KHDRBS3: variants seen among roughly 807,000 people sequenced by gnomAD.
KHDRBS3 encodes the protein KH domain-containing, RNA-binding, signal transduction-associated protein 3.
A neutral mutation model predicts 45.6 loss-of-function variants in KHDRBS3; 23 were observed. The ratio of observed to expected loss-of-function variants is 0.50; its 90% CI spans 0.36 to 0.72. The LOEUF (loss-of-function observed/expected upper bound fraction) is 0.72. Among genes scored for constraint, KHDRBS3 ranks in the 30% least tolerant of loss-of-function variants. The pLI, the probability that KHDRBS3 is intolerant of heterozygous loss-of-function variation, is 0.00. For missense variants in KHDRBS3, 352 were observed against 424.8 expected, an observed-to-expected ratio of 0.83 and a Z score of 1.51; for synonymous variants, 162 against 156.5, an observed-to-expected ratio of 1.04 and a Z score of -0.26.
intron 1 of KHDRBS3, among the ~76,000 whole-genome samples, chr8:135,468,951 G>A (rs557386892): frequency 6.6e-6 from 1 of 152,146 alleles, no homozygotes; most frequent in African/African-American, 2.4e-5. Context: ...TTATAAACTC[G>A]TGAGGGTATT....
chr8:135,608,109 C>G (rs72732399), intron 7 of KHDRBS3, among the ~76,000 whole-genome samples: 2 of 151,896 alleles, frequency 1.3e-5, no homozygotes, highest in African/African-American at 4.8e-5. Flanking sequence ...TTGTATACAC[C>G]GTCTCATTTA....
intron 5 of KHDRBS3, among the ~76,000 whole-genome samples, chr8:135,577,853 C>G (rs1828019541): frequency 6.6e-6 from 1 of 152,132 alleles, no homozygotes; most frequent in Non-Finnish European, 1.5e-5. Context: ...ATGTTGCATT[C>G]CAGGCAGGAA....
intron 5 of KHDRBS3, among the ~76,000 whole-genome samples, chr8:135,566,995 A>G (rs1827452735): frequency 6.6e-6 from 1 of 152,168 alleles, no homozygotes; most frequent in Non-Finnish European, 1.5e-5. Flanking sequence ...CAGATCCTTT[A>G]ATGGACCCCA....
Position 135,557,495 on chromosome 8 carries a change from T to C in KHDRBS3, c.519T>C (p.Tyr173=), listed in dbSNP as rs1826945219. 3 of 1,610,484 alleles carry C rather than the reference T, an allele frequency of 1.9e-6. No individual in the cohort carries two copies. The highest frequency in any genetic ancestry group is 2.5e-6 in the Non-Finnish European group (3 of 1,176,696). ...IRQAQLQELT[Y]LNGGSENADV... ...AAGCACAGCTCCAGGAGTTAACATA[T>C]TTGAATGGTGGTTCAGAAAATGCAG... The change falls in exon 5 of 9, where the codon TAT becomes TAC. Residue 173 remains tyrosine (Y), a synonymous_variant. Transcript: ENST00000355849.
chr8:135,524,160 C>G (rs1226291017), intron 2 of KHDRBS3, among the ~76,000 whole-genome samples: 1 of 152,074 alleles, frequency 6.6e-6, no homozygotes, highest in African/African-American at 2.4e-5. Flanking sequence ...GGATTACAGA[C>G]ATGCACCACC....
At chr8:135,538,959 C>T (rs1341980362) in intron 2 of KHDRBS3, 1 of 152,090 alleles carries the variant, frequency 6.6e-6, no homozygotes, top group African/African-American at 2.4e-5. Context: ...ACAAAAAAAA[C>T]CTACCTTAGG....
Position 135,457,706 on chromosome 8 carries a change from T to TGCC in KHDRBS3, c.-148_-146dup, listed in dbSNP as rs1023630113. 17 of 160,906 alleles carry TGCC rather than the reference T, an allele frequency of 1.1e-4. No homozygotes were observed. The East Asian group carries it at 1.9e-3, about 18-fold the overall frequency. 10.0% of individuals were successfully genotyped at this position (160,906 alleles called of 1,614,324 possible). Reference sequence around the variant, plus strand: ...GCTGAGCGGTCGGTTCCCGCCCCCGTGCCGCCGCCGCCGCCTTCCGGCCGA... The same window carrying TGCC: ...GCTGAGCGGTCGGTTCCCGCCCCCGTGCCGCCGCCGCCGCCGCCTTCCGGCCGA... On this transcript the variant is annotated 5_prime_UTR_variant, in exon 1 of 9. Coordinates refer to ENST00000355849, the MANE Select transcript of KHDRBS3 (RefSeq NM_006558.3). This position sits in a 1 kb window ranked among gnomAD's most constrained non-coding sequence, Gnocchi z 4.4.
At chr8:135,577,759 A>G (rs1448070331) in intron 5 of KHDRBS3, among the ~76,000 whole-genome samples, 1 of 152,188 alleles carries the variant, frequency 6.6e-6, no homozygotes, top group African/African-American at 2.4e-5. Flanking sequence ...GTAAAAACCT[A>G]AGAATACAAC....
intron 1 of KHDRBS3, among the ~76,000 whole-genome samples, chr8:135,489,977 G>A (rs929879936): frequency 2.0e-5 from 3 of 151,994 alleles, no homozygotes; most frequent in African/African-American, 7.2e-5. Flanking sequence ...TATTTTTACT[G>A]TTCCTTTTCC....
intron 1 of KHDRBS3, among the ~76,000 whole-genome samples, chr8:135,468,649 G>C (rs1335438247): frequency 6.6e-6 from 1 of 151,460 alleles, no homozygotes; most frequent in Non-Finnish European, 1.5e-5. Context: ...CATGGGCTGT[G>C]GTCTGCTTAC....
chr8:135,618,775 G>T (rs144272823), intron 7 of KHDRBS3, among the ~76,000 whole-genome samples: 81 of 152,270 alleles, frequency 5.3e-4, no homozygotes, highest in African/African-American at 1.9e-3. Context: ...CTGTGTATGT[G>T]ATCTTTCACT....
In KHDRBS3 at chr8:135,634,417, T is replaced by A. The variant is rs144196279; in HGVS notation, c.891-10642T>A. The stretch of plus-strand genomic sequence containing the variant: ...TGTAAGCTGATAGGATTGCTGAATC[T>A]TTCTCTTAGAGGGGGATTCTCTGAT... On this transcript the variant is annotated intron_variant, in intron 7 of 8. Transcript: ENST00000355849. Among the ~76,000 whole-genome samples the A allele has an allele frequency of 1.2e-3, 190 of 152,322 alleles. 2 individuals carry two copies. The highest frequency in any genetic ancestry group is 4.1e-3 in the African/African-American group (170 of 41,576).
intron 1 of KHDRBS3, among the ~76,000 whole-genome samples, chr8:135,475,014 G>T (rs572189636): frequency 6.6e-6 from 1 of 152,128 alleles, no homozygotes; most frequent in Non-Finnish European, 1.5e-5. Flanking sequence ...GAATGTTTTC[G>T]CTCTGCCATT....
At chr8:135,614,199 C>A (rs1250641549) in intron 7 of KHDRBS3, among the ~76,000 whole-genome samples, 1 of 151,806 alleles carries the variant, frequency 6.6e-6, no homozygotes, top group Non-Finnish European at 1.5e-5. Flanking sequence ...TGGAATTATT[C>A]TAATACACAT....
intron 1 of KHDRBS3, among the ~76,000 whole-genome samples, chr8:135,512,246 T>A (rs1246480567): frequency 6.6e-6 from 1 of 152,222 alleles, no homozygotes; most frequent in African/African-American, 2.4e-5. Context: ...TTACGATGGC[T>A]GTAAATACTC....
At chr8:135,481,607 C>T (rs1822583277) in intron 1 of KHDRBS3, among the ~76,000 whole-genome samples, 1 of 152,204 alleles carries the variant, frequency 6.6e-6, no homozygotes, top group Non-Finnish European at 1.5e-5. Context: ...GTACACAAGT[C>T]TACCAGCCAA....
chr8:135,630,725 C>G (rs1830561415), intron 7 of KHDRBS3, among the ~76,000 whole-genome samples: 1 of 151,884 alleles, frequency 6.6e-6, no homozygotes, highest in Non-Finnish European at 1.5e-5. Context: ...TGGTCAGTAT[C>G]TGTGTATCTA....
At chr8:135,477,022 C>G (rs1360590069) in intron 1 of KHDRBS3, among the ~76,000 whole-genome samples, 1 of 152,094 alleles carries the variant, frequency 6.6e-6, no homozygotes, top group African/African-American at 2.4e-5. Flanking sequence ...CTGAGATATT[C>G]ATAATCAGAA....
At chr8:135,616,133 A>G (rs922389743) in intron 7 of KHDRBS3, among the ~76,000 whole-genome samples, 4 of 152,232 alleles carry the variant, frequency 2.6e-5, no homozygotes, top group Admixed American at 6.5e-5. Flanking sequence ...AGGTGCTCTC[A>G]TACATATTCT....
Sources: gnomAD v4.1 joint callset for allele counts (sites outside exome capture counted in the v4.1 genomes callset) on GRCh38, gnomAD v4.1.1 for gene constraint, Gnocchi (gnomAD v3.1) non-coding constraint, MANE v1.5 for transcripts, NCBI Gene and HGNC (gene_info 2026-07-23, HGNC 2026-07-21) for gene names.